IL36B: variants seen among roughly 807,000 people sequenced by gnomAD.
IL36B encodes interleukin-36 beta.
A neutral mutation model predicts 19.3 loss-of-function variants in IL36B; 23 were observed. The ratio of observed to expected loss-of-function variants is 1.19; its 90% CI spans 0.86 to 1.69. The LOEUF is 1.69. Among genes scored for constraint, IL36B ranks in the 40% most tolerant of loss-of-function variants. IL36B has a pLI of 0.00. For synonymous variants in IL36B, 59 were observed against 59.7 expected (o/e 0.99, Z 0.05); for missense variants, 217 against 200.5 (o/e 1.08, Z -0.50).
At chr2:113,047,082 T>A (rs940360948) in intron 1 of IL36B, among the ~76,000 whole-genome samples, 62 of 152,232 alleles carry the variant, frequency 4.1e-4, no homozygotes, top group Admixed American at 3.1e-3. Context: ...TGCTACTTTA[T>A]TTATTTTGCT....
intron 1 of IL36B, among the ~76,000 whole-genome samples, chr2:113,048,441 CAAACAAA>C (rs1685385303): frequency 6.6e-6 from 1 of 151,908 alleles, no homozygotes; most frequent in Non-Finnish European, 1.5e-5. Flanking sequence ...GACTCTGCCT[CAAACAAA>C]AAACAAAAAA....
At chr2:113,030,948 A>G in intron 3 of IL36B, 100 bp downstream of exon 3, 2 of 810,118 alleles carry the variant, frequency 2.5e-6, no homozygotes, top group Non-Finnish European at 4.2e-6. Flanking sequence ...GGTGCCTAGA[A>G]GTGGGTGAGG....
At chr2:113,046,413 G>A (rs752000337) in intron 1 of IL36B, among the ~76,000 whole-genome samples, 9 of 152,104 alleles carry the variant, frequency 5.9e-5, no homozygotes, top group Non-Finnish European at 1.3e-4. Flanking sequence ...GTTTCACCAT[G>A]TTAGCCAGTA....
chr2:113,050,756 T>A (rs1685428794), intron 1 of IL36B, among the ~76,000 whole-genome samples: 1 of 152,188 alleles, frequency 6.6e-6, no homozygotes, highest in East Asian at 1.9e-4. Context: ...TTTCTGTTTT[T>A]GAGGAGCCCA....
At chr2:113,024,047 A>T (rs1684909037) in intron 5 of IL36B, among the ~76,000 whole-genome samples, 1 of 152,164 alleles carries the variant, frequency 6.6e-6, no homozygotes, top group Non-Finnish European at 1.5e-5. Context: ...GAAGAGAAAG[A>T]TGGGTGGAAG....
At chr2:113,028,149 G>A (rs1025970858) in intron 4 of IL36B, 34 bp from the exon 5 acceptor site, 23 of 1,574,542 alleles carry the variant, frequency 1.5e-5, no homozygotes, top group Non-Finnish European at 1.9e-5. Context: ...TAGAGAGGAG[G>A]ATAGGAGGAG....
chr2:113,029,960 C>T (rs977706574), intron 3 of IL36B, among the ~76,000 whole-genome samples: 12 of 152,246 alleles, frequency 7.9e-5, no homozygotes, highest in African/African-American at 2.6e-4. Flanking sequence ...GGGCCAGGTG[C>T]GGTGGCTCAC....
chr2:113,044,709 A>G (rs571873598), intron 1 of IL36B, among the ~76,000 whole-genome samples: 1 of 152,192 alleles, frequency 6.6e-6, no homozygotes, highest in South Asian at 2.1e-4. Flanking sequence ...ATTTATATTT[A>G]ATGTTGCTAT....
intron 4 of IL36B, chr2:113,027,668 C>A: frequency 7.4e-7 from 1 of 1,357,806 alleles, no homozygotes; most frequent in Non-Finnish European, 9.5e-7. Flanking sequence ...GGGGTAAGAT[C>A]AAGAAAGAAT....
At chr2:113,049,379 A>G (rs1685402409) in intron 1 of IL36B, among the ~76,000 whole-genome samples, 1 of 152,200 alleles carries the variant, frequency 6.6e-6, no homozygotes, top group African/African-American at 2.4e-5. Flanking sequence ...GGGAGGAAAT[A>G]GGTGAAAGTC....
intron 1 of IL36B, among the ~76,000 whole-genome samples, chr2:113,038,015 G>A (rs1685191604): frequency 6.6e-6 from 1 of 152,158 alleles, no homozygotes; most frequent in South Asian, 2.1e-4. Flanking sequence ...TTTTTGACGA[G>A]CATTTGACGC....
chr2:113,035,506 A>C (rs1685150750), intron 1 of IL36B, among the ~76,000 whole-genome samples: 2 of 152,326 alleles, frequency 1.3e-5, no homozygotes, highest in African/African-American at 4.8e-5. Flanking sequence ...TCTTCTGAAA[A>C]AAAAAATAAT....
chr2:113,051,063 C>G (rs1249775190), intron 1 of IL36B, among the ~76,000 whole-genome samples: 2 of 152,142 alleles, frequency 1.3e-5, no homozygotes, highest in Non-Finnish European at 2.9e-5. Context: ...GAATCGGAGG[C>G]CGTGCCTCTC....
At chr2:113,031,614 A>G in intron 2 of IL36B, 83 bp downstream of exon 2, 1 of 1,195,236 alleles carries the variant, frequency 8.4e-7, no homozygotes, top group Non-Finnish European at 1.2e-6. Context: ...TAGCTTAGCA[A>G]ATGATAGGGG....
At chr2:113,044,280 G>A (rs759844833) in intron 1 of IL36B, among the ~76,000 whole-genome samples, 1,662 of 111,780 alleles carry the variant, frequency 0.015, 85 homozygotes, top group Admixed American at 0.11. Context: ...GTGTGTGTGT[G>A]TGTGTGTGTG....
intron 1 of IL36B, among the ~76,000 whole-genome samples, chr2:113,034,544 C>A (rs1239491727): frequency 1.3e-5 from 2 of 152,142 alleles, no homozygotes; most frequent in Non-Finnish European, 2.9e-5. Context: ...GCCAGGGAAC[C>A]TGTTTTGTCT....
Position 113,022,611 on chromosome 2 carries a change from G to A in IL36B, c.*63C>T. 1 of 1,047,998 alleles carries A rather than the reference G, an allele frequency of 9.5e-7. No homozygotes were observed. The highest frequency in any genetic ancestry group is 1.5e-6 in the Non-Finnish European group (1 of 670,142). The allele number at this position is 1,047,998 out of a possible 1,614,324, so 64.9% of individuals were successfully genotyped here. A position where few individuals can be genotyped will look rare whatever the true frequency, so the allele number is the denominator to read the frequency against. ...ATTTCTGCAACTTATTCCATTTGTA[G>A]CATTTCATTGATAGCAAACCCACTC... On this transcript the variant is annotated 3_prime_UTR_variant, in exon 6 of 6. Coordinates refer to ENST00000259213, the MANE Select transcript of IL36B (RefSeq NM_014438.5).
chr2:113,049,954 T>TA (rs749594938), intron 1 of IL36B, among the ~76,000 whole-genome samples: 74 of 139,338 alleles, frequency 5.3e-4, no homozygotes, highest in Admixed American at 7.1e-4. Flanking sequence ...AAACTCCGTC[T>TA]AAAAAAAAAA....
intron 1 of IL36B, among the ~76,000 whole-genome samples, 199 bp downstream of exon 1, chr2:113,052,618 C>T (rs185301028): frequency 2.6e-5 from 4 of 152,332 alleles, no homozygotes; most frequent in Non-Finnish European, 4.4e-5. Flanking sequence ...AAACGTTAAC[C>T]TTTCTTGTCA....
Sources: gnomAD v4.1 joint callset for allele counts (sites outside exome capture counted in the v4.1 genomes callset) on GRCh38, gnomAD v4.1.1 for gene constraint, MANE v1.5 for transcripts, NCBI Gene and HGNC (gene_info 2026-07-23, HGNC 2026-07-21) for gene names.